The following VPS13B variants were observed in gnomAD, a reference collection of about 807,000 sequenced individuals.
The protein encoded by VPS13B is intermembrane lipid transfer protein VPS13B.
In VPS13B, 285 loss-of-function variants were observed where a neutral mutation model predicts 426.4. That is an observed-to-expected ratio of 0.67 (90% CI 0.61 to 0.74). The LOEUF (loss-of-function observed/expected upper bound fraction) is 0.74, where lower values mean the gene tolerates loss of function less well. Among genes scored for constraint, VPS13B ranks in the 30% least tolerant of loss-of-function variants. The probability of loss-of-function intolerance (pLI) is 0.00; values close to 1 mark genes in which losing one functional copy is unlikely to be tolerated. For missense variants in VPS13B, 4,537 were observed against 4,782.6 expected, an observed-to-expected ratio of 0.95 and a Z score of 1.51; for synonymous variants, 1,676 against 1,676.4, an observed-to-expected ratio of 1.00 and a Z score of 0.01.
At chr8:99,591,919 T>G (rs1826700537) in intron 33 of VPS13B, among the ~76,000 whole-genome samples, 5 of 152,300 alleles carry the variant, frequency 3.3e-5, no homozygotes, top group South Asian at 4.1e-4. Context: ...GTTGGGGAAG[T>G]TCTCCTGGAT....
At chr8:99,253,108 G>T (rs945395086) in intron 17 of VPS13B, among the ~76,000 whole-genome samples, 2 of 151,730 alleles carry the variant, frequency 1.3e-5, no homozygotes, top group Admixed American at 6.6e-5. Context: ...TTTGTATCTG[G>T]TTTATTTCAC....
Position 99,825,126 on chromosome 8 carries a change from A to G in VPS13B, c.9330+1148A>G, listed in dbSNP as rs1433867649. On this transcript the variant is annotated intron_variant, in intron 51 of 61. Transcript: ENST00000357162. The stretch of plus-strand genomic sequence containing the variant: ...GATTGCTGGGTCAAATGGTATTTCT[A>G]GTTCTAGATCCTTGAGGAATTGCCA... 3.3e-5 allele frequency among the ~76,000 whole-genome samples: 5 copies of G among 152,106 alleles called. No homozygotes were observed. The South Asian group carries it at 1.0e-3, about 32-fold the overall frequency.
chr8:99,723,302 A>G (rs1286099691), intron 39 of VPS13B, among the ~76,000 whole-genome samples: 1 of 152,214 alleles, frequency 6.6e-6, no homozygotes, highest in Non-Finnish European at 1.5e-5. Context: ...AAGTATGACT[A>G]TTACCACTAT....
chr8:99,332,943 A>G (rs1432940049), intron 19 of VPS13B, among the ~76,000 whole-genome samples: 1 of 151,662 alleles, frequency 6.6e-6, no homozygotes, highest in African/African-American at 2.4e-5. Flanking sequence ...TGAAATAGTA[A>G]AATGATTCCA....
intron 17 of VPS13B, among the ~76,000 whole-genome samples, chr8:99,270,131 CTTTTTTTTTTTTTTTTTTT>C (rs71273170): frequency 3.3e-5 from 1 of 30,316 alleles, no homozygotes; most frequent in Middle Eastern, 0.056. Context: ...ATATAAGAAT[CTTTTTTTTTTTTTTTTTTT>C]TTTTTTTGAG....
intron 31 of VPS13B, among the ~76,000 whole-genome samples, chr8:99,570,540 G>A (rs1303945320): frequency 6.6e-6 from 1 of 151,152 alleles, no homozygotes; most frequent in African/African-American, 2.4e-5. Flanking sequence ...AACCTGATTT[G>A]CCCTTTTGAA....
intron 22 of VPS13B, among the ~76,000 whole-genome samples, chr8:99,432,813 T>A (rs1817183572): frequency 6.6e-6 from 1 of 152,158 alleles, no homozygotes; most frequent in South Asian, 2.1e-4. Flanking sequence ...ATCTTCTTCA[T>A]GAAGAGGGTC....
chr8:99,461,014 G>GT (rs1319428243), intron 23 of VPS13B, among the ~76,000 whole-genome samples: 2 of 152,084 alleles, frequency 1.3e-5, no homozygotes, highest in African/African-American at 2.4e-5. Flanking sequence ...AAATGGTTGT[G>GT]TTTTTTGTTA....
intron 19 of VPS13B, among the ~76,000 whole-genome samples, chr8:99,308,758 T>C (rs1283131603): frequency 6.6e-6 from 1 of 152,232 alleles, no homozygotes; most frequent in African/African-American, 2.4e-5. Flanking sequence ...ATCGCCACAC[T>C]GTCTTCCACA....
At chr8:99,098,623 G>A (rs1033618046) in intron 4 of VPS13B, among the ~76,000 whole-genome samples, 1 of 151,934 alleles carries the variant, frequency 6.6e-6, no homozygotes, top group Non-Finnish European at 1.5e-5. Flanking sequence ...TATATCTTTA[G>A]GAAAACTCCT....
chr8:99,142,946 T>G (rs1479107830), intron 12 of VPS13B, 28 bp from the exon 13 acceptor site: 1 of 1,594,914 alleles, frequency 6.3e-7, no homozygotes, highest in Admixed American at 1.7e-5. Flanking sequence ...CAATTGATGC[T>G]TAAAATATAA....
intron 30 of VPS13B, among the ~76,000 whole-genome samples, chr8:99,529,068 C>G (rs1182672095): frequency 6.6e-6 from 1 of 151,728 alleles, no homozygotes; most frequent in African/African-American, 2.4e-5. Context: ...TACATCTACC[C>G]TTATTTTAAT....
intron 39 of VPS13B, among the ~76,000 whole-genome samples, chr8:99,725,580 G>T (rs1413136002): frequency 6.6e-6 from 1 of 152,198 alleles, no homozygotes; most frequent in African/African-American, 2.4e-5. Context: ...GTGCCAAAAA[G>T]ATTGGGGACC....
At chr8:99,066,164 A>G (rs1210603767) in intron 3 of VPS13B, among the ~76,000 whole-genome samples, 1 of 152,266 alleles carries the variant, frequency 6.6e-6, no homozygotes, top group African/African-American at 2.4e-5. Flanking sequence ...TAAAGTTCAT[A>G]TGGAACCAAA....
intron 2 of VPS13B, among the ~76,000 whole-genome samples, chr8:99,029,538 G>C (rs928388595): frequency 1.3e-5 from 2 of 152,118 alleles, no homozygotes; most frequent in Non-Finnish European, 2.9e-5. Flanking sequence ...TTGGGAGGCC[G>C]AGGCTGGTGG....
chr8:99,492,629 G>T (rs1216667489), intron 25 of VPS13B, among the ~76,000 whole-genome samples: 6 of 152,184 alleles, frequency 3.9e-5, no homozygotes, highest in Admixed American at 3.9e-4. Flanking sequence ...TCAGACTGCT[G>T]CGCTAGCAGT....
At chr8:99,714,927 A>G (rs1249618436) in intron 36 of VPS13B, among the ~76,000 whole-genome samples, 1 of 152,178 alleles carries the variant, frequency 6.6e-6, no homozygotes, top group African/African-American at 2.4e-5. Context: ...AATGGCAAAA[A>G]TTTAAAAAGA....
chr8:99,409,230 A>G (rs1815490587), intron 21 of VPS13B, among the ~76,000 whole-genome samples: 2 of 152,066 alleles, frequency 1.3e-5, no homozygotes, highest in Admixed American at 1.3e-4. Context: ...GGAGTGAGAG[A>G]TGAGGTCAGG....
intron 39 of VPS13B, among the ~76,000 whole-genome samples, chr8:99,733,335 T>C (rs918050111): frequency 7.4e-4 from 112 of 152,338 alleles, no homozygotes; most frequent in African/African-American, 2.6e-3. Flanking sequence ...CTAAAGTCTC[T>C]GAGTCCAAAT....
Sources: allele counts gnomAD v4.1 joint callset (sites outside exome capture counted in the v4.1 genomes callset), GRCh38; gene constraint gnomAD v4.1.1; transcripts MANE v1.5; gene names NCBI Gene and HGNC (gene_info 2026-07-23, HGNC 2026-07-21).